The following EMP2 variants were observed in gnomAD, a reference collection of about 807,000 sequenced individuals.
EMP2 encodes epithelial membrane protein 2.
A neutral mutation model predicts 13.7 loss-of-function variants in EMP2; 19 were observed. The observed-to-expected ratio is 1.38, with a 90% CI of 0.97 to 2.03. The LOEUF is 2.03. Among genes scored for constraint, EMP2 ranks in the 30% most tolerant of loss-of-function variants. EMP2 has a pLI of 0.00. For synonymous variants in EMP2, 97 were observed against 84.7 expected (o/e 1.15, Z -0.80); for missense variants, 253 against 220.7 (o/e 1.15, Z -0.93).
chr16:10,547,902 G>A (rs142788400), intron 1 of EMP2, among the ~76,000 whole-genome samples: 39 of 152,102 alleles, frequency 2.6e-4, no homozygotes, highest in East Asian at 1.2e-3. Context: ...GGGCGTGGTC[G>A]TCATACCTGC....
intron 1 of EMP2, among the ~76,000 whole-genome samples, chr16:10,567,368 CCCCTTGGCAG>C (rs1290281446): frequency 1.3e-5 from 2 of 152,230 alleles, no homozygotes; most frequent in Non-Finnish European, 2.9e-5. Context: ...GCATTCTCTT[CCCCTTGGCAG>C]CCCCATGGCC....
chr16:10,568,908 T>A (rs1368304091), intron 1 of EMP2, among the ~76,000 whole-genome samples: 4 of 145,140 alleles, frequency 2.8e-5, no homozygotes, highest in African/African-American at 1.0e-4. Context: ...TGCCTCAGCC[T>A]CCTGAGTAGC....
intron 3 of EMP2, among the ~76,000 whole-genome samples, chr16:10,543,300 C>T (rs1170500353): frequency 6.6e-6 from 1 of 152,270 alleles, no homozygotes; most frequent in Non-Finnish European, 1.5e-5. Context: ...GAACGGGAAA[C>T]TCGGCTGTGC....
chr16:10,574,065 G>A (rs2050966377), intron 1 of EMP2, among the ~76,000 whole-genome samples: 1 of 147,926 alleles, frequency 6.8e-6, no homozygotes, highest in Non-Finnish European at 1.5e-5. Context: ...AGCCTCCCAA[G>A]TAGCTGGGAT....
At chr16:10,555,080 T>C (rs147015019) in intron 1 of EMP2, among the ~76,000 whole-genome samples, 65 of 152,240 alleles carry the variant, frequency 4.3e-4, no homozygotes, top group African/African-American at 1.5e-3. Flanking sequence ...CAAAGCCCTA[T>C]TGTCCAGAGG....
At chr16:10,554,480 C>T (rs934277354) in intron 1 of EMP2, among the ~76,000 whole-genome samples, 4 of 152,122 alleles carry the variant, frequency 2.6e-5, no homozygotes, top group Non-Finnish European at 5.9e-5. Flanking sequence ...GTGGTGCTGT[C>T]TCCTTGCCAC....
intron 4 of EMP2, among the ~76,000 whole-genome samples, chr16:10,534,089 C>G (rs996357162): frequency 4.0e-5 from 6 of 151,278 alleles, no homozygotes. Context: ...CACTCCAGCC[C>G]GCACAACAGC....
intron 1 of EMP2, among the ~76,000 whole-genome samples, chr16:10,549,727 A>T (rs200350048): frequency 7.1e-4 from 51 of 72,152 alleles, no homozygotes; most frequent in African/African-American, 2.9e-3. Flanking sequence ...ACACACACAC[A>T]CTCACACACA....
intron 1 of EMP2, among the ~76,000 whole-genome samples, chr16:10,551,409 T>A (rs149036212): frequency 1.3e-5 from 2 of 152,154 alleles, no homozygotes; most frequent in Non-Finnish European, 2.9e-5. Context: ...AATAGGATTT[T>A]CGTTTGTTTG....
chr16:10,536,144 C>T (rs2050645455), intron 4 of EMP2, among the ~76,000 whole-genome samples: 1 of 152,192 alleles, frequency 6.6e-6, no homozygotes, highest in African/African-American at 2.4e-5. Flanking sequence ...GTAAAAGTGC[C>T]CCAAGGGGAG....
chr16:10,542,166 G>T (rs1216895454), intron 3 of EMP2, among the ~76,000 whole-genome samples: 1 of 152,104 alleles, frequency 6.6e-6, no homozygotes, highest in African/African-American at 2.4e-5. Context: ...TTTAGGCTGA[G>T]GTGGGCAGAT....
In EMP2 at chr16:10,532,758, CTTTTTTTTTTT is replaced by C. The variant is rs878927571; in HGVS notation, c.*136_*146del. The C allele has an allele frequency of 0.015, 2,695 of 183,722 alleles. 91 individuals carry two copies. Among genetic ancestry groups the C allele is most frequent in the East Asian group, 0.05 (425 of 8,454 alleles). 11.4% of individuals were successfully genotyped at this position (183,722 alleles called of 1,614,324 possible). On this transcript the variant is annotated 3_prime_UTR_variant, in exon 5 of 5. Transcript: ENST00000359543. ...CTTTTGGATTTTTTTTTTCTTTTTT[CTTTTTTTTTTT>C]TTTTTTTTTTTTTTTTTGGCTTTTA...
At chr16:10,568,504 G>C (rs550883963) in intron 1 of EMP2, among the ~76,000 whole-genome samples, 1 of 152,150 alleles carries the variant, frequency 6.6e-6, no homozygotes, top group Non-Finnish European at 1.5e-5. Flanking sequence ...CCAACACCAA[G>C]ACCCTGCTGC....
chr16:10,568,482 A>G (rs2050924599), intron 1 of EMP2, among the ~76,000 whole-genome samples: 1 of 152,234 alleles, frequency 6.6e-6, no homozygotes, highest in African/African-American at 2.4e-5. Flanking sequence ...GAAAAAGAAC[A>G]GACTTATTTT....
intron 1 of EMP2, among the ~76,000 whole-genome samples, chr16:10,572,328 T>TC (rs2050954057): frequency 6.6e-6 from 1 of 151,854 alleles, no homozygotes; most frequent in Non-Finnish European, 1.5e-5. Context: ...GCACCTGTGG[T>TC]CCCAGCTACT....
rs146155902 is a variant in EMP2 at position 10,580,130 on chromosome 16, G to C, written c.-61+419C>G. On this transcript the variant is annotated intron_variant, in intron 1 of 4. Coordinates refer to ENST00000359543, the MANE Select transcript of EMP2 (RefSeq NM_001424.6). This position sits in a 1 kb window ranked among gnomAD's most constrained non-coding sequence, Gnocchi z 4.3. Reference sequence around the variant, plus strand: ...GCCTAGAGGGGTACGCAGCCCAGGAGGACCCGCTGGCCCGGCCTGGCGCAC... The same window carrying C: ...GCCTAGAGGGGTACGCAGCCCAGGACGACCCGCTGGCCCGGCCTGGCGCAC... Among the ~76,000 whole-genome samples, 2 of 152,278 alleles carry C rather than the reference G, an allele frequency of 1.3e-5. No homozygotes were observed. The highest frequency in any genetic ancestry group is 2.9e-5 in the Non-Finnish European group (2 of 67,992).
At chr16:10,534,134 G>C (rs1317420080) in intron 4 of EMP2, among the ~76,000 whole-genome samples, 2 of 151,858 alleles carry the variant, frequency 1.3e-5, no homozygotes, top group Non-Finnish European at 2.9e-5. Flanking sequence ...AGAAAAATAT[G>C]ACTGCCTGAA....
rs776623915 is a variant in EMP2, at chr16:10,532,943, T to A, written c.466A>T (p.Ser156Cys). 22 of 1,603,528 alleles carry A rather than the reference T, an allele frequency of 1.4e-5. No individual in the cohort carries two copies. In the Admixed American group the frequency reaches 2.4e-4, roughly 17 times the overall value. ...CTCAGTATCAGGTACATCATGCCGC[T>A]GATGAAGGTGCAGGCGAAGGCCACC... ...AWVAFACTFI[S>C]GMMYLILRKR... The change falls in exon 5 of 5, where the codon AGC becomes TGC. Residue 156 changes from serine (S) to cysteine (C), a missense_variant. By Grantham distance (112) the Ser-to-Cys change is moderately radical (BLOSUM62 -1). Coordinates refer to ENST00000359543, the MANE Select transcript of EMP2 (RefSeq NM_001424.6).
At chr16:10,545,485 T>C (rs2142180448) in intron 2 of EMP2, 1 of 152,378 alleles carries the variant, frequency 6.6e-6, no homozygotes, top group South Asian at 2.1e-4. Context: ...CTCTGCCTCC[T>C]GTCAGGTCAC....
Sources: allele counts gnomAD v4.1 joint callset (sites outside exome capture counted in the v4.1 genomes callset), GRCh38; gene constraint gnomAD v4.1.1; non-coding constraint Gnocchi (gnomAD v3.1); transcripts MANE v1.5; gene names NCBI Gene and HGNC (gene_info 2026-07-23, HGNC 2026-07-21).